Variants in USP25 observed in about 807,000 individuals in gnomAD.
The protein encoded by USP25 is ubiquitin carboxyl-terminal hydrolase 25.
A neutral mutation model predicts 158.5 loss-of-function variants in USP25; 85 were observed. The ratio of observed to expected loss-of-function variants is 0.54; its 90% CI spans 0.45 to 0.64. The LOEUF is 0.64. USP25 is among the 30% of genes least tolerant of loss of function. The pLI, the probability that USP25 is intolerant of heterozygous loss-of-function variation, is 0.00. For missense variants in USP25, 1,242 were observed against 1,327.3 expected (o/e 0.94, Z 1.00); for synonymous variants, 464 against 460.4 (o/e 1.01, Z -0.10).
Position 15,730,399 on chromosome 21 carries a change from C to T in USP25, c.6C>T (p.Thr2=), listed in dbSNP as rs1181292628. ...CCGCCGCCGCCGCGGGGGCCATGAC[C>T]GTGGAGCAGAACGTGCTGCAGCAGA... M[T]VEQNVLQQSA... is the part of the protein sequence containing the mutation. Residue 2 remains threonine, a synonymous_variant, in exon 1 of 26, where the codon ACC becomes ACT. Transcript: ENST00000400183. 1.5e-6 allele frequency: 2 copies of T among 1,330,512 alleles called. No individual in the cohort carries two copies. Among genetic ancestry groups the T allele is most frequent in the Non-Finnish European group, 1.9e-6 (2 of 1,033,086 alleles). The allele number at this position is 1,330,512 out of a possible 1,614,324, so 82.4% of individuals were successfully genotyped here.
chr21:15,796,073 C>T (rs1555837230), intron 5 of USP25, among the ~76,000 whole-genome samples: 2 of 151,468 alleles, frequency 1.3e-5, no homozygotes, highest in African/African-American at 2.4e-5. Flanking sequence ...AAGTGCTTTT[C>T]AAAATTCACA....
chr21:15,757,737 T>C (rs765858597), intron 1 of USP25, among the ~76,000 whole-genome samples: 3 of 152,210 alleles, frequency 2.0e-5, no homozygotes, highest in Non-Finnish European at 4.4e-5. Context: ...TCATGTCTGC[T>C]TGCATGCTGG....
chr21:15,808,689 T>C, intron 7 of USP25, 120 bp from the exon 8 acceptor site: 1 of 625,578 alleles, frequency 1.6e-6, no homozygotes, highest in Non-Finnish European at 2.6e-6. Context: ...TTTCACTTGT[T>C]ATCTTTGTAA....
chr21:15,734,647 T>C (rs961107181), intron 1 of USP25, among the ~76,000 whole-genome samples: 2 of 145,424 alleles, frequency 1.4e-5, no homozygotes, highest in Non-Finnish European at 2.9e-5. Flanking sequence ...TCTGACCTCT[T>C]TCTTGTCATT....
chr21:15,769,964 C>A (rs898968452), intron 3 of USP25, among the ~76,000 whole-genome samples: 1 of 151,554 alleles, frequency 6.6e-6, no homozygotes, highest in African/African-American at 2.4e-5. Flanking sequence ...AATTTATAAG[C>A]CGTTTTTTTT....
chr21:15,731,426 G>C (rs1379669496), intron 1 of USP25, among the ~76,000 whole-genome samples: 2 of 152,202 alleles, frequency 1.3e-5, no homozygotes, highest in Non-Finnish European at 2.9e-5. Flanking sequence ...TTATCTGGGT[G>C]AGTAATGAAT....
At chr21:15,785,095 G>A (rs1238788801) in intron 4 of USP25, among the ~76,000 whole-genome samples, 1 of 151,698 alleles carries the variant, frequency 6.6e-6, no homozygotes, top group Non-Finnish European at 1.5e-5. Flanking sequence ...CCAAAAATGA[G>A]CAGAAGCAGC....
chr21:15,732,124 T>C (rs1270643888), intron 1 of USP25, among the ~76,000 whole-genome samples: 1 of 152,234 alleles, frequency 6.6e-6, no homozygotes, highest in Non-Finnish European at 1.5e-5. Flanking sequence ...ACGAAAGTGA[T>C]CTTGGCTGTC....
intron 1 of USP25, among the ~76,000 whole-genome samples, chr21:15,751,042 A>G (rs2123313087): frequency 6.6e-6 from 1 of 152,306 alleles, no homozygotes; most frequent in Admixed American, 6.5e-5. Flanking sequence ...AGAACAAAGG[A>G]GATTTGGTGT....
chr21:15,864,832 G>A (rs1425304273), intron 21 of USP25, among the ~76,000 whole-genome samples: 2 of 152,110 alleles, frequency 1.3e-5, no homozygotes, highest in Admixed American at 6.6e-5. Flanking sequence ...TTCGTTAGAT[G>A]ACAGTAGCAG....
At chr21:15,863,845 G>A (rs1371831264) in intron 20 of USP25, among the ~76,000 whole-genome samples, 2 of 151,870 alleles carry the variant, frequency 1.3e-5, no homozygotes, top group East Asian at 3.9e-4. Context: ...GACCAGCCTG[G>A]CCAACATAGT....
rs2038803837 is a variant in USP25 at position 15,849,862 on chromosome 21, G to A, written c.2537G>A (p.Gly846Glu). 2.0e-6 allele frequency: 3 copies of A among 1,507,952 alleles called. No homozygotes were observed. Among genetic ancestry groups the A allele is most frequent in the Non-Finnish European group, 8.9e-7 (1 of 1,127,654 alleles). 93.4% of individuals were successfully genotyped at this position (1,507,952 alleles called of 1,614,324 possible). A position where few individuals can be genotyped will look rare whatever the true frequency, so the allele number is the denominator to read the frequency against. ...SVYDRCGPEAGFFKAIKLEYA... is the reference protein window; with the variant it reads ...SVYDRCGPEAEFFKAIKLEYA... ...TATGACAGGTGTGGCCCTGAAGCAG[G>A]GTTCTTTAAGGTACAATGAACATTT... Residue 846 changes from glycine (G) to glutamate (E), a missense_variant, in exon 20 of 26, where the codon GGG becomes GAG. Transcript: ENST00000400183.
chr21:15,824,889 G>A lies in USP25; in HGVS notation c.1209-77G>A, dbSNP rs550759389. On this transcript the variant is annotated intron_variant, in intron 11 of 25. Transcript: ENST00000400183. Reference sequence around the variant, plus strand: ...CCTTGGCGTCCCAGAGTGGTAGGCCGGGTACGCTGGCATCTGGCCATATTG... The same window carrying A: ...CCTTGGCGTCCCAGAGTGGTAGGCCAGGTACGCTGGCATCTGGCCATATTG... 5.3e-5 allele frequency: 63 copies of A among 1,181,824 alleles called. No individual in the cohort carries two copies. The South Asian group carries it at 5.8e-4, about 11-fold the overall frequency. 73.2% of individuals were successfully genotyped at this position (1,181,824 alleles called of 1,614,324 possible). A position where few individuals can be genotyped will look rare whatever the true frequency, so the allele number is the denominator to read the frequency against.
chr21:15,736,351 G>C (rs1407777426), intron 1 of USP25, among the ~76,000 whole-genome samples: 2 of 152,046 alleles, frequency 1.3e-5, no homozygotes, highest in African/African-American at 4.8e-5. Flanking sequence ...GCCTGCCTTG[G>C]GCTCCCGAAG....
chr21:15,771,371 G>A (rs1429938487), intron 3 of USP25, among the ~76,000 whole-genome samples: 1 of 151,860 alleles, frequency 6.6e-6, no homozygotes, highest in East Asian at 1.9e-4. Flanking sequence ...GTGCTTGTGG[G>A]CTGGGCATAG....
chr21:15,877,740 T>A, intron 24 of USP25, 56 bp from the exon 25 acceptor site: 1 of 1,287,600 alleles, frequency 7.8e-7, no homozygotes, highest in Middle Eastern at 2.6e-4. Context: ...TTACAGATCC[T>A]TAATTTAAAA....
chr21:15,748,454 GTTTTTTT>G (rs71331787), intron 1 of USP25, among the ~76,000 whole-genome samples: 4 of 79,008 alleles, frequency 5.1e-5, no homozygotes, highest in Admixed American at 2.9e-4. Context: ...CTACTTTTTA[GTTTTTTT>G]TTTTTTTTTT....
chr21:15,840,524 G>A (rs2038281024), intron 17 of USP25, among the ~76,000 whole-genome samples: 2 of 151,980 alleles, frequency 1.3e-5, no homozygotes, highest in Admixed American at 6.6e-5. Context: ...TTCAACTCCC[G>A]TGACAACGAA....
intron 1 of USP25, among the ~76,000 whole-genome samples, chr21:15,739,149 T>C (rs1472477264): frequency 1.3e-5 from 2 of 151,738 alleles, no homozygotes; most frequent in Non-Finnish European, 2.9e-5. Flanking sequence ...TAAAAAGTTT[T>C]ATGTATAATT....
Sources: gnomAD v4.1 joint callset for allele counts (sites outside exome capture counted in the v4.1 genomes callset) on GRCh38, gnomAD v4.1.1 for gene constraint, MANE v1.5 for transcripts, NCBI Gene and HGNC (gene_info 2026-07-23, HGNC 2026-07-21) for gene names.